Variants in ARHGAP26 observed in about 807,000 individuals in gnomAD.
ARHGAP26 encodes Rho GTPase activating protein 26, also known as rho GTPase-activating protein 26.
In ARHGAP26, 38 loss-of-function variants were observed where a neutral mutation model predicts 104.8. The ratio of observed to expected loss-of-function variants is 0.36; its 90% confidence interval spans 0.28 to 0.48. The LOEUF (loss-of-function observed/expected upper bound fraction) is 0.48. Ranked by LOEUF, ARHGAP26 falls within the 20% of genes least tolerant of loss-of-function variation. The pLI is 0.99. For missense variants in ARHGAP26, 704 were observed against 947.9 expected, an observed-to-expected ratio of 0.74 and a Z score of 3.38; for synonymous variants, 341 against 340.0, an observed-to-expected ratio of 1.00 and a Z score of -0.03.
chr5:143,087,662 T>TTTTTTTTTG (rs1790797248), intron 17 of ARHGAP26, among the ~76,000 whole-genome samples: 1 of 141,634 alleles, frequency 7.1e-6, no homozygotes, highest in East Asian at 2.1e-4. Flanking sequence ...TTTTTTTTTT[T>TTTTTTTTTG]GAGACGGAGT....
At chr5:143,106,200 C>T (rs978639947) in intron 17 of ARHGAP26, among the ~76,000 whole-genome samples, 6 of 152,130 alleles carry the variant, frequency 3.9e-5, no homozygotes, top group Admixed American at 3.3e-4. Context: ...ATGTAAATTT[C>T]TGGAAGATGG....
At chr5:142,883,727 C>G (rs1432205105) in intron 4 of ARHGAP26, among the ~76,000 whole-genome samples, 2 of 152,236 alleles carry the variant, frequency 1.3e-5, no homozygotes, top group Non-Finnish European at 2.9e-5. Context: ...GCTCACATCT[C>G]CCTTCCCCAA....
At chr5:142,785,049 G>C (rs1307488192) in intron 1 of ARHGAP26, among the ~76,000 whole-genome samples, 2 of 150,644 alleles carry the variant, frequency 1.3e-5, no homozygotes, top group African/African-American at 4.9e-5. Flanking sequence ...TCTTGCCTCA[G>C]CCTCCCAAGT....
chr5:143,001,974 G>C (rs953112361), intron 11 of ARHGAP26, among the ~76,000 whole-genome samples: 1 of 152,192 alleles, frequency 6.6e-6, no homozygotes, highest in East Asian at 1.9e-4. Flanking sequence ...TGTGGCAAGG[G>C]AAGAAGTCAC....
intron 5 of ARHGAP26, among the ~76,000 whole-genome samples, chr5:142,887,491 C>G (rs1050810585): frequency 6.6e-6 from 1 of 152,216 alleles, no homozygotes; most frequent in African/African-American, 2.4e-5. Flanking sequence ...GCCTGTTCCG[C>G]TCCATTTTCT....
chr5:143,070,564 C>A (rs246647), intron 17 of ARHGAP26, among the ~76,000 whole-genome samples: 74,272 of 152,050 alleles, frequency 0.49, 23,233 homozygotes, highest in East Asian at 0.91. Flanking sequence ...ATATTGTTAA[C>A]AGGACAGCAC....
At chr5:143,173,554 C>G (rs191963226) in intron 20 of ARHGAP26, among the ~76,000 whole-genome samples, 1 of 152,186 alleles carries the variant, frequency 6.6e-6, no homozygotes, top group Admixed American at 6.5e-5. Flanking sequence ...CACTTCGCTT[C>G]GCAATTTACA....
chr5:142,814,241 G>A (rs900700222), intron 1 of ARHGAP26, among the ~76,000 whole-genome samples: 1 of 152,208 alleles, frequency 6.6e-6, no homozygotes, highest in African/African-American at 2.4e-5. Flanking sequence ...CAAGAGTTGG[G>A]AACACCATGG....
intron 1 of ARHGAP26, among the ~76,000 whole-genome samples, chr5:142,829,542 C>T (rs576854363): frequency 6.6e-6 from 1 of 152,310 alleles, no homozygotes; most frequent in African/African-American, 2.4e-5. Context: ...CAGAGGGCAC[C>T]TCACATCACC....
intron 18 of ARHGAP26, among the ~76,000 whole-genome samples, chr5:143,130,192 C>T (rs963355569): frequency 3.9e-5 from 6 of 152,064 alleles, no homozygotes; most frequent in African/African-American, 4.8e-5. Flanking sequence ...CAGCTTAAGG[C>T]GAAACAGTAG....
intron 1 of ARHGAP26, among the ~76,000 whole-genome samples, chr5:142,847,086 G>A (rs1401231956): frequency 6.6e-6 from 1 of 152,084 alleles, no homozygotes; most frequent in East Asian, 1.9e-4. Flanking sequence ...TGCACCTTGG[G>A]CAAATCACTG....
intron 1 of ARHGAP26, among the ~76,000 whole-genome samples, chr5:142,817,611 G>A (rs1194464419): frequency 6.6e-6 from 1 of 152,134 alleles, no homozygotes; most frequent in African/African-American, 2.4e-5. Context: ...CACGTTCCCT[G>A]ACCACAGACC....
intron 20 of ARHGAP26, among the ~76,000 whole-genome samples, chr5:143,162,291 A>ACACACACACACACACACACACG (rs1801345870): frequency 1.1e-5 from 1 of 93,158 alleles, no homozygotes; most frequent in Non-Finnish European, 2.9e-5. Context: ...ACATACACAC[A>ACACACACACACACACACACACG]CACACACACA....
intron 1 of ARHGAP26, chr5:142,772,803 C>G (rs1190934988): frequency 3.7e-6 from 2 of 533,466 alleles, no homozygotes; most frequent in East Asian, 5.4e-5. Flanking sequence ...GCACCAAGCC[C>G]TAGAATTTGG....
chr5:142,838,451 G>C (rs1389563563), intron 1 of ARHGAP26, among the ~76,000 whole-genome samples: 1 of 152,320 alleles, frequency 6.6e-6, no homozygotes, highest in Middle Eastern at 3.4e-3. Context: ...AAGGCATAAT[G>C]ATATACTAAT....
chr5:143,032,940 G>A (rs1425358973), intron 12 of ARHGAP26, among the ~76,000 whole-genome samples: 1 of 152,198 alleles, frequency 6.6e-6, no homozygotes, highest in Admixed American at 6.5e-5. Context: ...TAGAGGTTTA[G>A]AGCAGTGGTT....
chr5:143,189,334 G>C (rs1295749912), intron 20 of ARHGAP26, among the ~76,000 whole-genome samples: 10 of 152,164 alleles, frequency 6.6e-5, no homozygotes, highest in African/African-American at 2.4e-4. Context: ...GCTTAAGACA[G>C]TGAGCCCTCA....
At chr5:142,926,983 G>A (rs1285642395) in intron 10 of ARHGAP26, among the ~76,000 whole-genome samples, 1 of 152,066 alleles carries the variant, frequency 6.6e-6, no homozygotes, top group Admixed American at 6.6e-5. Flanking sequence ...GTAACGCTGG[G>A]AGACAAGTAA....
At chr5:143,088,912 CA>C (rs1320348623) in intron 17 of ARHGAP26, among the ~76,000 whole-genome samples, 4 of 151,906 alleles carry the variant, frequency 2.6e-5, no homozygotes, top group African/African-American at 7.3e-5. Context: ...CGGAATGAGT[CA>C]GGGGGTAGCA....
Sources: allele counts gnomAD v4.1 joint callset (sites outside exome capture counted in the v4.1 genomes callset), GRCh38; gene constraint gnomAD v4.1.1; transcripts MANE v1.5; gene names NCBI Gene and HGNC (gene_info 2026-07-23, HGNC 2026-07-21).